NFATC1: variants seen among roughly 807,000 people sequenced by gnomAD.
The protein encoded by NFATC1 is nuclear factor of activated T-cells, cytoplasmic 1.
NFATC1 carries 22 observed loss-of-function variants against 76.0 expected under a neutral mutation model. The ratio of observed to expected loss-of-function variants is 0.29; its 90% confidence interval spans 0.21 to 0.41. NFATC1 has a LOEUF of 0.41. NFATC1 is among the 10% of genes least tolerant of loss of function. The probability of loss-of-function intolerance (pLI) is 1.00; values close to 1 mark genes in which losing one functional copy is unlikely to be tolerated. For missense variants in NFATC1, 1,357 were observed against 1,337.7 expected (o/e 1.01, Z -0.23); for synonymous variants, 704 against 613.1 (o/e 1.15, Z -2.19).
chr18:79,527,838 C>T lies in NFATC1; in HGVS notation c.*261C>T, dbSNP rs772170060. 2 of 553,560 alleles carry T rather than the reference C, an allele frequency of 3.6e-6. 1 individual carries two copies. The highest frequency in any genetic ancestry group is 5.5e-5 in the South Asian group (2 of 36,526). 34.3% of individuals were successfully genotyped at this position (553,560 alleles called of 1,614,324 possible). A position where few individuals can be genotyped will look rare whatever the true frequency, so the allele number is the denominator to read the frequency against. ...GGTGGCCGGGCTGAGCACGGGAGAC[C>T]CACCGTGCAGGGGCCTTTCATGGGA... is the stretch of plus-strand genomic sequence containing the variant. On this transcript the variant is annotated 3_prime_UTR_variant, in exon 10 of 10. Coordinates refer to ENST00000427363, the MANE Select transcript of NFATC1 (RefSeq NM_001278669.2).
chr18:79,415,562 A>G (rs886239790), intron 2 of NFATC1, among the ~76,000 whole-genome samples: 2 of 151,154 alleles, frequency 1.3e-5, no homozygotes, highest in Non-Finnish European at 2.9e-5. Flanking sequence ...GATTACAGGC[A>G]TGAGCCACCG....
At chr18:79,469,216 C>G (rs2088674381) in intron 8 of NFATC1, 1 of 494,492 alleles carries the variant, frequency 2.0e-6, no homozygotes, top group Non-Finnish European at 2.6e-6. Context: ...CCTAATTAAA[C>G]TTCAAGCATG....
At chr18:79,501,844 G>A (rs555575356) in intron 9 of NFATC1, among the ~76,000 whole-genome samples, 2 of 152,306 alleles carry the variant, frequency 1.3e-5, no homozygotes, top group African/African-American at 2.4e-5. Context: ...ACAGAACGTT[G>A]CTGAGGGAAA....
At chr18:79,400,460 C>A (rs1399117434) in intron 1 of NFATC1, 1 of 1,488,420 alleles carries the variant, frequency 6.7e-7, no homozygotes, top group East Asian at 3.0e-5. Context: ...GCGACGAGGG[C>A]GCCGCCGCGG....
intron 1 of NFATC1, among the ~76,000 whole-genome samples, chr18:79,399,311 G>T (rs2085104157): frequency 6.6e-6 from 1 of 152,226 alleles, no homozygotes; most frequent in Admixed American, 6.5e-5. Context: ...ACGACCCTGG[G>T]ACTGGAGGGT....
Position 79,433,695 on chromosome 18 carries a change from G to A in NFATC1, c.1343G>A (p.Arg448Gln). 1.2e-6 allele frequency: 2 copies of A among 1,612,940 alleles called. No homozygotes were observed. Among genetic ancestry groups the A allele is most frequent in the African/African-American group, 1.3e-5 (1 of 75,050 alleles). ...HRAHYETEGS[R>Q]GAVKASAGGH... The stretch of plus-strand genomic sequence containing the variant: ...GCCCACTACGAGACGGAGGGCAGCC[G>A]GGGGGCCGTGAAGGCGTCGGCCGGA... Residue 448 changes from arginine (R) to glutamine (Q), a missense_variant, in exon 3 of 10, where the codon CGG becomes CAG. Arg to Gln is a conservative substitution (Grantham distance 43). Around this residue, in one of 3 missense-constraint regions of NFATC1, gnomAD observed 242 missense variants for 329.2 expected, o/e 0.74. Coordinates refer to ENST00000427363, the MANE Select transcript of NFATC1 (RefSeq NM_001278669.2).
At position 79,481,141 on chromosome 18, in the gene NFATC1, G is replaced by A. The variant is rs74647275; in HGVS notation, c.2093-5107G>A. On this transcript the variant is annotated intron_variant, in intron 8 of 9. Transcript: ENST00000427363. ...CACAGAGAGCACTTGGCCAAGCCCTGCCTCTGGGGCTCCCCATCGTCTGGC... is the reference window on the plus strand; with the variant it reads ...CACAGAGAGCACTTGGCCAAGCCCTACCTCTGGGGCTCCCCATCGTCTGGC... 7.7e-3 allele frequency among the ~76,000 whole-genome samples: 1,175 copies of A among 152,338 alleles called. 10 individuals carry two copies. The highest frequency in any genetic ancestry group is 0.012 in the Non-Finnish European group (798 of 68,030).
chr18:79,422,629 G>C (rs1230540478), intron 2 of NFATC1: 1 of 152,276 alleles, frequency 6.6e-6, no homozygotes, highest in East Asian at 1.9e-4. Flanking sequence ...TGGGGCGCTG[G>C]GATCCCACAG....
intron 2 of NFATC1, among the ~76,000 whole-genome samples, chr18:79,431,514 TG>T (rs895229649): frequency 2.6e-5 from 4 of 152,070 alleles, no homozygotes; most frequent in African/African-American, 9.7e-5. Flanking sequence ...GCCTCCTGTG[TG>T]GCTGGGATCA....
intron 1 of NFATC1, among the ~76,000 whole-genome samples, chr18:79,407,497 G>A (rs1291163447): frequency 3.3e-5 from 5 of 152,198 alleles, no homozygotes; most frequent in Non-Finnish European, 7.3e-5. Context: ...CCAGGCTGGA[G>A]TGCAGGCTGG....
At position 79,429,125 on chromosome 18, in the gene NFATC1, G is replaced by A. The variant is rs151079252; in HGVS notation, c.1227-4454G>A. On this transcript the variant is annotated intron_variant, in intron 2 of 9. Transcript: ENST00000427363. ...ACTCCCAGCTACTCTGGAGGCTGAG[G>A]CAGGAGCATTGCTTGAACCTGGGAG... is the stretch of plus-strand genomic sequence containing the variant. 7.0e-3 allele frequency among the ~76,000 whole-genome samples: 1,061 copies of A among 151,716 alleles called. 6 individuals are homozygous for A. The highest frequency in any genetic ancestry group is 0.021 in the Middle Eastern group (6 of 292).
intron 7 of NFATC1, among the ~76,000 whole-genome samples, chr18:79,462,915 G>A (rs770439169): frequency 6.6e-6 from 1 of 152,188 alleles, no homozygotes; most frequent in Non-Finnish European, 1.5e-5. Flanking sequence ...CGGGCGGCTG[G>A]AGGCAGGTGG....
intron 2 of NFATC1, among the ~76,000 whole-genome samples, chr18:79,416,253 A>C (rs1384778324): frequency 1.3e-5 from 2 of 152,262 alleles, no homozygotes; most frequent in Admixed American, 1.3e-4. Context: ...GAATAAGATC[A>C]GCTAACCCCC....
chr18:79,491,407 G>A (rs1236994255), intron 9 of NFATC1, among the ~76,000 whole-genome samples: 1 of 152,294 alleles, frequency 6.6e-6, no homozygotes, highest in Middle Eastern at 3.4e-3. Context: ...GGAAAGTGTC[G>A]CTGTGTCTTT....
chr18:79,439,610 C>T (rs182973088), intron 3 of NFATC1, among the ~76,000 whole-genome samples: 7 of 152,366 alleles, frequency 4.6e-5, no homozygotes, highest in African/African-American at 1.7e-4. Context: ...TTTCCTAGTT[C>T]CACATACGCC....
chr18:79,405,331 C>T (rs376769845), intron 1 of NFATC1, among the ~76,000 whole-genome samples: 6 of 152,250 alleles, frequency 3.9e-5, no homozygotes, highest in Non-Finnish European at 5.9e-5. Context: ...CCAGGCCCTC[C>T]GACACGGCAG....
At chr18:79,402,340 G>T (rs1600585009) in intron 1 of NFATC1, 1 of 985,394 alleles carries the variant, frequency 1.0e-6, no homozygotes, top group Middle Eastern at 5.2e-4. Flanking sequence ...GTGAACATGG[G>T]GTCTCTCCTG....
intron 8 of NFATC1, among the ~76,000 whole-genome samples, chr18:79,475,131 T>C (rs1247433836): frequency 2.1e-5 from 3 of 146,276 alleles, no homozygotes; most frequent in African/African-American, 5.2e-5. Flanking sequence ...GTCGACATTG[T>C]AAACCTGAGG....
At chr18:79,480,427 C>T (rs1030825405) in intron 8 of NFATC1, among the ~76,000 whole-genome samples, 2 of 152,026 alleles carry the variant, frequency 1.3e-5, no homozygotes, top group African/African-American at 4.8e-5. Flanking sequence ...AGTGCTGGGC[C>T]TGCTCCGAAC....
Sources: gnomAD v4.1 joint callset for allele counts (sites outside exome capture counted in the v4.1 genomes callset) on GRCh38, gnomAD v4.1.1 for gene constraint, gnomAD v4.1.1 regional missense constraint, MANE v1.5 for transcripts, NCBI Gene and HGNC (gene_info 2026-07-23, HGNC 2026-07-21) for gene names.